SNX18: variants seen among roughly 807,000 people sequenced by gnomAD.
SNX18 encodes the protein sorting nexin 18.
In SNX18, 35 loss-of-function variants were observed where a neutral mutation model predicts 48.7. The observed-to-expected ratio is 0.72, with a 90% CI of 0.55 to 0.95. The LOEUF (loss-of-function observed/expected upper bound fraction) is 0.95, where lower values mean the gene tolerates loss of function less well. SNX18 is among the 40% of genes least tolerant of loss of function. SNX18 has a pLI of 0.00. For synonymous variants in SNX18, 492 were observed against 384.7 expected, an observed-to-expected ratio of 1.28 and a Z score of -3.26; for missense variants, 824 against 871.0, an observed-to-expected ratio of 0.95 and a Z score of 0.68.
chr5:54,626,720 A>C, the SNX18 span, among the ~76,000 whole-genome samples: 1 of 152,214 alleles, frequency 6.6e-6, no homozygotes, highest in Non-Finnish European at 1.5e-5. Context: ...CACATCCTAA[A>C]ATGTGCAGAA....
Position 54,517,800 on chromosome 5 carries a change from C to T in SNX18, c.-153C>T. The stretch of plus-strand genomic sequence containing the variant: ...TGGAGGCGCTGCGAGCGGAGCCGCG[C>T]GGAGGGCGCGACCGGCTGGTCCGGG... On this transcript the variant is annotated 5_prime_UTR_variant, in exon 1 of 2. Coordinates refer to ENST00000381410, the MANE Select transcript of SNX18 (RefSeq NM_001102575.2). 1 of 683,008 alleles carries T rather than the reference C, an allele frequency of 1.5e-6. No individual in the cohort carries two copies. Among genetic ancestry groups the T allele is most frequent in the Non-Finnish European group, 2.0e-6 (1 of 489,856 alleles). The allele number at this position is 683,008 out of a possible 1,614,324, so 42.3% of individuals were successfully genotyped here.
the SNX18 span, among the ~76,000 whole-genome samples, chr5:54,591,466 C>T: frequency 2.0e-5 from 3 of 152,226 alleles, no homozygotes; most frequent in Non-Finnish European, 4.4e-5. Context: ...GCTGGGATTA[C>T]AGGTGTGAGC....
At chr5:54,602,169 G>C in the SNX18 span, among the ~76,000 whole-genome samples, 2 of 152,170 alleles carry the variant, frequency 1.3e-5, no homozygotes, top group Non-Finnish European at 2.9e-5. Context: ...AGATTTTTAA[G>C]TACAGAGAGA....
the SNX18 span, among the ~76,000 whole-genome samples, chr5:54,607,820 G>A: frequency 1.3e-5 from 2 of 152,134 alleles, no homozygotes; most frequent in Non-Finnish European, 2.9e-5. Context: ...TGTAGGTCCA[G>A]TTACTCAGGA....
chr5:54,519,524 GTA>G lies in SNX18; in HGVS notation c.1574_1575del (p.Tyr525SerfsTer6). The G allele has an allele frequency of 6.2e-7, 1 of 1,614,226 alleles. No homozygotes were observed. The highest frequency in any genetic ancestry group is 8.5e-7 in the Non-Finnish European group (1 of 1,180,036). Reference sequence around the variant, plus strand: ...ATCCCGTCATGGACCTATTAGCGCTGTATCAGGGGCATCTGGCTAACTTCCCG... The same window carrying G: ...ATCCCGTCATGGACCTATTAGCGCTGTCAGGGGCATCTGGCTAACTTCCCG... ...LDPVMDLLAL[Y>X]QGHLANFPDI... On this transcript the variant is annotated frameshift_variant, in exon 1 of 2. Coordinates refer to ENST00000381410, the MANE Select transcript of SNX18 (RefSeq NM_001102575.2). LOFTEE classifies it high-confidence loss of function.
At chr5:54,588,777 C>T in the SNX18 span, among the ~76,000 whole-genome samples, 2 of 152,136 alleles carry the variant, frequency 1.3e-5, no homozygotes, top group Non-Finnish European at 2.9e-5. Flanking sequence ...GAAAACCCAG[C>T]TTTGCAAAGG....
At chr5:54,592,802 ATT>A in the SNX18 span, among the ~76,000 whole-genome samples, 12 of 150,242 alleles carry the variant, frequency 8.0e-5, no homozygotes, top group Non-Finnish European at 1.5e-4. Context: ...AAAAATCACA[ATT>A]CTGTTTTTGT....
the SNX18 span, among the ~76,000 whole-genome samples, chr5:54,553,928 C>A: frequency 2.6e-5 from 4 of 152,222 alleles, no homozygotes; most frequent in African/African-American, 9.6e-5. Flanking sequence ...ATGACATTTG[C>A]AAACTGAATC....
At chr5:54,589,354 C>A in the SNX18 span, among the ~76,000 whole-genome samples, 5 of 152,128 alleles carry the variant, frequency 3.3e-5, no homozygotes, top group East Asian at 1.9e-4. Context: ...GTTGAAGGAG[C>A]TATATTTGCT....
rs1761919878 is a variant in SNX18 at position 54,518,349 on chromosome 5, C to T, written c.397C>T (p.Leu133=). Residue 133 remains leucine, a synonymous_variant, in exon 1 of 2, where the codon CTG becomes TTG. Transcript: ENST00000381410. ...GAGFPYGGGA[L]QPSPQQLYGG... is the part of the protein sequence containing the mutation. ...GGGCTTCCCGTACGGCGGGGGCGCC[C>T]TGCAGCCGTCGCCTCAGCAGCTCTA... 2.6e-6 allele frequency: 4 copies of T among 1,530,578 alleles called. No homozygotes were observed. Among genetic ancestry groups the T allele is most frequent in the African/African-American group, 2.8e-5 (2 of 71,090 alleles). The allele number at this position is 1,530,578 out of a possible 1,614,324, so 94.8% of individuals were successfully genotyped here.
the SNX18 span, among the ~76,000 whole-genome samples, chr5:54,577,913 A>G: frequency 6.6e-6 from 1 of 152,210 alleles, no homozygotes; most frequent in Non-Finnish European, 1.5e-5. Flanking sequence ...GAAGAAGTAA[A>G]CTAAGTCAGA....
chr5:54,543,466 C>G lies in SNX18; in HGVS notation c.*34C>G, dbSNP rs139498361. ...CGTTGGATTATGGACTTTTTCAGTTCAAGGATAATTTCTACAGCAGAATAA... is the reference window on the plus strand; with the variant it reads ...CGTTGGATTATGGACTTTTTCAGTTGAAGGATAATTTCTACAGCAGAATAA... On this transcript the variant is annotated 3_prime_UTR_variant, in exon 2 of 2. Coordinates refer to ENST00000381410, the MANE Select transcript of SNX18 (RefSeq NM_001102575.2). The G allele has an allele frequency of 2.6e-4, 417 of 1,600,636 alleles. 1 individual carries two copies. In the African/African-American group the frequency reaches 4.8e-3, roughly 18 times the overall value.
the SNX18 span, among the ~76,000 whole-genome samples, chr5:54,588,342 T>C: frequency 4.7e-3 from 318 of 66,982 alleles, 3 homozygotes; most frequent in African/African-American, 0.019. Context: ...TTTTTTTTTT[T>C]TTTGAGACGG....
the SNX18 span, among the ~76,000 whole-genome samples, chr5:54,554,280 G>A: frequency 6.6e-6 from 1 of 152,114 alleles, no homozygotes; most frequent in African/African-American, 2.4e-5. Flanking sequence ...CATCACCTGG[G>A]GAGCTTTAAA....
At chr5:54,613,346 G>A in the SNX18 span, among the ~76,000 whole-genome samples, 1 of 152,114 alleles carries the variant, frequency 6.6e-6, no homozygotes, top group Non-Finnish European at 1.5e-5. Context: ...GGGCTTCTCG[G>A]TGCATCATCC....
At chr5:54,592,111 G>C in the SNX18 span, among the ~76,000 whole-genome samples, 3 of 152,144 alleles carry the variant, frequency 2.0e-5, no homozygotes, top group Non-Finnish European at 4.4e-5. Context: ...TTGTTCAAAA[G>C]GCTTCACTTG....
the SNX18 span, among the ~76,000 whole-genome samples, chr5:54,625,346 C>T: frequency 6.6e-6 from 1 of 152,210 alleles, no homozygotes. Context: ...TCAGCCAGGG[C>T]TGTAATCATC....
At chr5:54,575,800 C>G in the SNX18 span, among the ~76,000 whole-genome samples, 1 of 152,180 alleles carries the variant, frequency 6.6e-6, no homozygotes, top group South Asian at 2.1e-4. Flanking sequence ...GATAAGCTTA[C>G]TAAAGAAACC....
chr5:54,614,993 T>C, the SNX18 span, among the ~76,000 whole-genome samples: 7 of 152,156 alleles, frequency 4.6e-5, no homozygotes, highest in African/African-American at 1.7e-4. Flanking sequence ...ATTAAGAAAC[T>C]TGTCCAACTC....
Sources: gnomAD v4.1 joint callset for allele counts (sites outside exome capture counted in the v4.1 genomes callset) on GRCh38, gnomAD v4.1.1 for gene constraint, MANE v1.5 for transcripts, NCBI Gene and HGNC (gene_info 2026-07-23, HGNC 2026-07-21) for gene names.